ZKSCAN7: variants seen among roughly 807,000 people sequenced by gnomAD.
ZKSCAN7 encodes zinc finger with KRAB and SCAN domains 7.
In ZKSCAN7, 38 loss-of-function variants were observed where a neutral mutation model predicts 65.3. The ratio of observed to expected loss-of-function variants is 0.58; its 90% CI spans 0.45 to 0.76. ZKSCAN7 has a LOEUF of 0.76. ZKSCAN7 is among the 30% of genes least tolerant of loss of function. ZKSCAN7 has a pLI of 0.00. For missense variants in ZKSCAN7, 815 were observed against 913.3 expected (o/e 0.89, Z 1.39); for synonymous variants, 321 against 321.0 (o/e 1.00, Z 0.00).
chr3:44,562,698 G>A (rs1009330306), intron 2 of ZKSCAN7, among the ~76,000 whole-genome samples: 1 of 152,174 alleles, frequency 6.6e-6, no homozygotes, highest in Non-Finnish European at 1.5e-5. Flanking sequence ...TCTTCTGCTA[G>A]AGGGCTGGGC....
chr3:44,581,076 C>A, intron 5 of ZKSCAN7: 1 of 1,243,978 alleles, frequency 8.0e-7, no homozygotes, highest in East Asian at 4.1e-5. Flanking sequence ...CTGGCGCTCC[C>A]GGCGGGCTAG....
Position 44,568,458 on chromosome 3 carries a change from T to C in ZKSCAN7, c.811+25T>C, listed in dbSNP as rs757558491. 1.2e-5 allele frequency: 20 copies of C among 1,607,758 alleles called. No individual in the cohort carries two copies. The Admixed American group carries it at 3.4e-4, about 27-fold the overall frequency. Reference sequence around the variant, plus strand: ...GGTAATGATTCTGTTTCCTAGTCACTTAAAGTCTGCATGCTGCACAATCTC... The same window carrying C: ...GGTAATGATTCTGTTTCCTAGTCACCTAAAGTCTGCATGCTGCACAATCTC... On this transcript the variant is annotated intron_variant, in intron 5 of 5. Coordinates refer to ENST00000426540, the MANE Select transcript of ZKSCAN7 (RefSeq NM_001288590.2).
At chr3:44,580,989 T>C in intron 5 of ZKSCAN7, 1 of 1,610,620 alleles carries the variant, frequency 6.2e-7, no homozygotes, top group East Asian at 2.2e-5. Context: ...GATGTTGGCC[T>C]GGAATTTCCT....
In ZKSCAN7 at chr3:44,568,429, C is replaced by T. The variant is rs1174100858; in HGVS notation, c.807C>T (p.Ser269=). The T allele has an allele frequency of 4.3e-6, 7 of 1,613,462 alleles. No individual in the cohort carries two copies. Among genetic ancestry groups the T allele is most frequent in the Admixed American group, 3.3e-5 (2 of 59,884 alleles). The change falls in exon 5 of 6, where the codon TCC becomes TCT. Residue 269 remains serine (S), a synonymous_variant. Coordinates refer to ENST00000426540, the MANE Select transcript of ZKSCAN7 (RefSeq NM_001288590.2). ...CAGAAAATCACCATAGCATGGCCTC[C>T]TTGGGTAATGATTCTGTTTCCTAGT... The part of the protein sequence containing the change: ...MMPENHHSMA[S]LAGENMMKGS...
Position 44,571,358 on chromosome 3 carries a change from G to C in ZKSCAN7, c.2248G>C (p.Ala750Pro). ...CACTGGAGAGAAGTCCTCAGGTCTG[G>C]CTTGGTCAGTTTCTTAAGGTATGGT... ...THTGEKSSGL[A>P]WSVS The change falls in exon 6 of 6, where the codon GCT becomes CCT. Residue 750 changes from alanine (A) to proline (P), a missense_variant. Coordinates refer to ENST00000426540, the MANE Select transcript of ZKSCAN7 (RefSeq NM_001288590.2). The C allele has an allele frequency of 6.2e-7, 1 of 1,614,052 alleles. No homozygotes were observed. Among genetic ancestry groups the C allele is most frequent in the South Asian group, 1.1e-5 (1 of 91,084 alleles).
Position 44,557,094 on chromosome 3 carries a change from C to T in ZKSCAN7, c.47C>T (p.Thr16Ile). 1.9e-6 allele frequency: 3 copies of T among 1,614,252 alleles called. No individual in the cohort carries two copies. The highest frequency in any genetic ancestry group is 2.5e-6 in the Non-Finnish European group (3 of 1,180,046). Residue 16 changes from threonine (T) to isoleucine (I), a missense_variant, in exon 2 of 6, where the codon ACT (threonine) becomes ATT (isoleucine). Around this residue, in one of 3 missense-constraint regions of ZKSCAN7, gnomAD observed 227 missense variants for 253.3 expected, o/e 0.90. Transcript: ENST00000426540. ...AATTTAGGCCTCATCCCCAGGAGCA[C>T]TGCTTTCCAGAAGCAAGAGGGGCGC... is the stretch of plus-strand genomic sequence containing the variant. Reference protein sequence around the residue: ...RGNLGLIPRSTAFQKQEGRLT... With the variant: ...RGNLGLIPRSIAFQKQEGRLT...
chr3:44,563,567 G>C lies in ZKSCAN7; in HGVS notation c.424-1920G>C, dbSNP rs537788541. On this transcript the variant is annotated intron_variant, in intron 2 of 5. Transcript: ENST00000426540. ...TGTGGCAGGAAAGAGAGAGCACACA[G>C]AGGAAAGTGCCACACACTTTTAAAC... 2.0e-5 allele frequency among the ~76,000 whole-genome samples: 3 copies of C among 152,272 alleles called. No individual in the cohort carries two copies. In the East Asian group the frequency reaches 5.8e-4, roughly 29 times the overall value.
At chr3:44,572,849 C>CAAAAAAAAAAAAAAAAAAAAAAAAAAAAA (rs11339297), downstream of ZKSCAN7, among the ~76,000 whole-genome samples, 17 of 72,414 alleles carry the variant, frequency 2.3e-4, no homozygotes, top group Admixed American at 4.4e-4. Context: ...GACTCTGTCT[C>CAAAAAAAAAAAAAAAAAAAAAAAAAAAAA]AAAAAAAAAA....
chr3:44,565,066 G>A (rs1352755612), intron 2 of ZKSCAN7, among the ~76,000 whole-genome samples: 1 of 152,182 alleles, frequency 6.6e-6, no homozygotes, highest in Non-Finnish European at 1.5e-5. Flanking sequence ...GCCTCCAAAA[G>A]TGCTGGGATT....
Position 44,570,515 on chromosome 3 carries a change from T to C in ZKSCAN7, c.1405T>C (p.Cys469Arg), listed in dbSNP as rs1182614689. 2 of 1,614,188 alleles carry C rather than the reference T, an allele frequency of 1.2e-6. No individual in the cohort carries two copies. Among genetic ancestry groups the C allele is most frequent in the African/African-American group, 1.3e-5 (1 of 75,044 alleles). Residue 469 changes from cysteine (C) to arginine (R), a missense_variant, in exon 6 of 6, where the codon TGT becomes CGT. By Grantham distance (180) the Cys-to-Arg change is radical. Coordinates refer to ENST00000426540, the MANE Select transcript of ZKSCAN7 (RefSeq NM_001288590.2). ...RLHNGEKPYK[C>R]NECAKAFTQS... ...CCATAATGGGGAGAAACCCTATAAA[T>C]GTAATGAATGTGCAAAAGCCTTTAC... is the stretch of plus-strand genomic sequence containing the variant.
chr3:44,582,122 G>C (rs1700099292), intron 5 of ZKSCAN7, among the ~76,000 whole-genome samples: 1 of 152,232 alleles, frequency 6.6e-6, no homozygotes, highest in South Asian at 2.1e-4. Context: ...CAGGGAAGGT[G>C]TTAACGATTA....
downstream of ZKSCAN7, among the ~76,000 whole-genome samples, chr3:44,574,978 G>A (rs891085806): frequency 4.6e-5 from 7 of 151,920 alleles, no homozygotes; most frequent in African/African-American, 1.7e-4. Flanking sequence ...AAACATGTCT[G>A]TGCCCAGCAA....
chr3:44,565,660 T>C lies in ZKSCAN7; in HGVS notation c.592+5T>C, dbSNP rs1310396521. ...ACCTCCCCAGTGGGGACTTCGGTAC[T>C]TATCTCCCCAGCTTTGGCCTTAAGT... On this transcript the variant is annotated splice_donor_5th_base_variant and intron_variant, in intron 3 of 5. Transcript: ENST00000426540. 1 of 1,585,254 alleles carries C rather than the reference T, an allele frequency of 6.3e-7. No individual in the cohort carries two copies. Among genetic ancestry groups the C allele is most frequent in the African/African-American group, 1.4e-5 (1 of 73,748 alleles).
At chr3:44,562,606 CAGATCT>C (rs1559424319) in intron 2 of ZKSCAN7, among the ~76,000 whole-genome samples, 1 of 152,190 alleles carries the variant, frequency 6.6e-6, no homozygotes, top group Non-Finnish European at 1.5e-5. Context: ...GTTCCAGTTT[CAGATCT>C]CTTTGTTCAC....
At chr3:44,558,566 T>C (rs1699368114) in intron 2 of ZKSCAN7, among the ~76,000 whole-genome samples, 1 of 150,560 alleles carries the variant, frequency 6.6e-6, no homozygotes, top group Admixed American at 6.6e-5. Context: ...TTATTGCTAG[T>C]AAGTGGCTTA....
At chr3:44,558,555 T>C (rs138147396) in intron 2 of ZKSCAN7, among the ~76,000 whole-genome samples, 4 of 148,474 alleles carry the variant, frequency 2.7e-5, no homozygotes, top group African/African-American at 9.9e-5. Context: ...GAAAGAGAGA[T>C]TTATTGCTAG....
In ZKSCAN7 at chr3:44,565,508, C is replaced by G. The variant is rs1206892405; in HGVS notation, c.445C>G (p.Gln149Glu). 3 of 1,609,006 alleles carry G rather than the reference C, an allele frequency of 1.9e-6. No homozygotes were observed. The African/African-American group carries it at 4.0e-5, about 21-fold the overall frequency. ...CTAGGTTTCAGCCCCAGCACAGAAA[C>G]AGGAAATGCATTTTGAGGAGACAAC... The part of the protein sequence containing the change: ...SEEVSAPAQK[Q>E]EMHFEETTAL... Residue 149 changes from glutamine to glutamate, a missense_variant, in exon 3 of 6, where the codon CAG (glutamine) becomes GAG (glutamate). By Grantham distance (29) the Gln-to-Glu change is conservative. Around this residue, in one of 3 missense-constraint regions of ZKSCAN7, gnomAD observed 227 missense variants for 253.3 expected, o/e 0.90. Transcript: ENST00000426540.
chr3:44,579,911 C>T, intron 5 of ZKSCAN7: 1 of 1,607,724 alleles, frequency 6.2e-7, no homozygotes, highest in South Asian at 1.1e-5. Context: ...TGTGGACCTC[C>T]TGTCCAGTGA....
downstream of ZKSCAN7, among the ~76,000 whole-genome samples, chr3:44,576,256 C>T (rs114951879): frequency 3.1e-3 from 465 of 152,244 alleles, 2 homozygotes; most frequent in African/African-American, 0.011. Context: ...ATGTAATTGA[C>T]CTCTTTTTCC....
Sources: gnomAD v4.1 joint callset for allele counts (sites outside exome capture counted in the v4.1 genomes callset) on GRCh38, gnomAD v4.1.1 for gene constraint, gnomAD v4.1.1 regional missense constraint, MANE v1.5 for transcripts, NCBI Gene and HGNC (gene_info 2026-07-23, HGNC 2026-07-21) for gene names.